Variants in FOXP1 observed in about 807,000 individuals in gnomAD.
FOXP1 encodes the protein forkhead box P1, also known as forkhead box protein P1.
In FOXP1, 15 loss-of-function variants were observed where a neutral mutation model predicts 98.2. That is an observed-to-expected ratio of 0.15 (90% CI 0.10 to 0.24). FOXP1 has a LOEUF of 0.24. Ranked by LOEUF, FOXP1 falls within the 10% of genes least tolerant of loss-of-function variation. The probability of loss-of-function intolerance (pLI) is 1.00; values close to 1 mark genes in which losing one functional copy is unlikely to be tolerated. For missense variants in FOXP1, 633 were observed against 848.5 expected (o/e 0.75, Z 3.15); for synonymous variants, 371 against 314.5 (o/e 1.18, Z -1.90).
rs114268168 is a variant in FOXP1 at position 71,051,124 on chromosome 3, T to C, written c.510+1413A>G. Among the ~76,000 whole-genome samples the C allele has an allele frequency of 5.6e-3, 850 of 152,366 alleles. 9 individuals are homozygous for C. Among genetic ancestry groups the C allele is most frequent in the African/African-American group, 0.019 (804 of 41,576 alleles). ...CAGCAAAACAAAGCTGAGAGCCTTC[T>C]GCACAGTGATATCTCACAATTACAT... On this transcript the variant is annotated intron_variant, in intron 9 of 20. Transcript: ENST00000649528.
intron 11 of FOXP1, among the ~76,000 whole-genome samples, chr3:71,036,368 G>A (rs1456575332): frequency 2.6e-5 from 4 of 152,182 alleles, no homozygotes; most frequent in Non-Finnish European, 4.4e-5. Flanking sequence ...CCTCAAAAAA[G>A]CAGAGACTGC....
intron 4 of FOXP1, among the ~76,000 whole-genome samples, chr3:71,327,377 G>C (rs1252221801): frequency 3.0e-4 from 1 of 3,378 alleles, no homozygotes; most frequent in African/African-American, 3.1e-4. Context: ...TCACCACCAT[G>C]TCCAGCTAAT....
At chr3:70,970,682 G>C in intron 19 of FOXP1, 54 bp downstream of exon 19, 1 of 1,301,658 alleles carries the variant, frequency 7.7e-7, no homozygotes, top group Non-Finnish European at 1.1e-6. Flanking sequence ...ATTTTGAAAT[G>C]AGTAGGGGAG....
chr3:71,268,327 A>G (rs1681378074), intron 5 of FOXP1, among the ~76,000 whole-genome samples: 1 of 151,970 alleles, frequency 6.6e-6, no homozygotes, highest in Admixed American at 6.5e-5. Flanking sequence ...AATCAGATAC[A>G]GTCACATCAC....
intron 5 of FOXP1, among the ~76,000 whole-genome samples, chr3:71,214,753 A>C (rs984242520): frequency 6.6e-6 from 1 of 152,170 alleles, no homozygotes; most frequent in Non-Finnish European, 1.5e-5. Flanking sequence ...GAGAGAGAGG[A>C]GCGGGGGAGA....
intron 5 of FOXP1, among the ~76,000 whole-genome samples, chr3:71,243,604 A>G (rs1461781625): frequency 1.3e-5 from 2 of 152,236 alleles, no homozygotes; most frequent in East Asian, 3.8e-4. Context: ...AGCATCTATA[A>G]GCCAAAGAAC....
At chr3:71,257,901 G>A (rs1329116964) in intron 5 of FOXP1, among the ~76,000 whole-genome samples, 2 of 152,092 alleles carry the variant, frequency 1.3e-5, no homozygotes, top group African/African-American at 4.8e-5. Context: ...TAAAATGGGG[G>A]TAACAATCAC....
chr3:71,558,802 CT>C (rs35405702), intron 2 of FOXP1, among the ~76,000 whole-genome samples: 87 of 117,526 alleles, frequency 7.4e-4, no homozygotes, highest in Middle Eastern at 6.5e-3. Context: ...CCGATTCTCA[CT>C]TTTTTTTTTT....
intron 5 of FOXP1, among the ~76,000 whole-genome samples, chr3:71,226,509 G>A (rs888974763): frequency 6.6e-6 from 1 of 151,924 alleles, no homozygotes; most frequent in East Asian, 1.9e-4. Context: ...CACAAGTGAT[G>A]GCAGGGTCTA....
chr3:71,419,767 A>T (rs2083486474), intron 3 of FOXP1, among the ~76,000 whole-genome samples: 1 of 152,134 alleles, frequency 6.6e-6, no homozygotes, highest in Non-Finnish European at 1.5e-5. Context: ...GTACATACAC[A>T]TACATATATG....
chr3:71,324,099 A>C (rs2075547232), intron 4 of FOXP1, among the ~76,000 whole-genome samples: 1 of 151,928 alleles, frequency 6.6e-6, no homozygotes, highest in African/African-American at 2.4e-5. Context: ...ATATATTTAT[A>C]ATTCATACTC....
intron 3 of FOXP1, among the ~76,000 whole-genome samples, chr3:71,378,283 G>A (rs1281667850): frequency 6.6e-6 from 1 of 152,036 alleles, no homozygotes; most frequent in African/African-American, 2.4e-5. Context: ...AGAAGGTACC[G>A]CTGGGGAGAT....
intron 3 of FOXP1, among the ~76,000 whole-genome samples, chr3:71,445,124 T>G (rs2086298765): frequency 6.6e-6 from 1 of 152,140 alleles, no homozygotes; most frequent in South Asian, 2.1e-4. Context: ...CTTAGTGTTC[T>G]CCATGGTACC....
At position 70,955,011 on chromosome 3, in the gene FOXP1, C is replaced by T. The variant is rs905252896; in HGVS notation, c.*4236G>A. On this transcript the variant is annotated 3_prime_UTR_variant, in exon 21 of 21. Transcript: ENST00000649528. ...GAGATTGCGTGAGCTACACTGGGCC[C>T]AAGAAATGCCTTCAGCATTGTAAAT... 4.3e-6 allele frequency: 1 copy of T among 232,250 alleles called. No individual in the cohort carries two copies. Among genetic ancestry groups the T allele is most frequent in the African/African-American group, 2.2e-5 (1 of 45,382 alleles). 14.4% of individuals were successfully genotyped at this position (232,250 alleles called of 1,614,324 possible). A position where few individuals can be genotyped will look rare whatever the true frequency, so the allele number is the denominator to read the frequency against.
intron 14 of FOXP1, among the ~76,000 whole-genome samples, chr3:70,981,601 G>C (rs2038879220): frequency 6.6e-6 from 1 of 152,202 alleles, no homozygotes; most frequent in Non-Finnish European, 1.5e-5. Flanking sequence ...TTTCGAGGAG[G>C]GGAGGCAGTA....
intron 3 of FOXP1, among the ~76,000 whole-genome samples, chr3:71,468,621 G>C (rs967541813): frequency 6.6e-6 from 1 of 152,016 alleles, no homozygotes; most frequent in Non-Finnish European, 1.5e-5. Flanking sequence ...TCCTTTAACC[G>C]TTCTAAAAAG....
chr3:71,355,549 G>T (rs775739499), intron 4 of FOXP1, among the ~76,000 whole-genome samples: 5 of 152,152 alleles, frequency 3.3e-5, no homozygotes, highest in Admixed American at 6.5e-5. Context: ...AGGCAAGGGA[G>T]ATTTTATGAC....
intron 3 of FOXP1, among the ~76,000 whole-genome samples, chr3:71,475,622 C>T (rs2089761084): frequency 6.6e-6 from 1 of 152,124 alleles, no homozygotes; most frequent in African/African-American, 2.4e-5. Context: ...GTGGGCAGAT[C>T]ACTTGAGGTC....
chr3:71,177,683 C>G (rs1222386958), intron 6 of FOXP1, among the ~76,000 whole-genome samples: 1 of 152,042 alleles, frequency 6.6e-6, no homozygotes, highest in Non-Finnish European at 1.5e-5. Context: ...ACTTAGCTCA[C>G]AGGGTGCTTG....
Sources: allele counts gnomAD v4.1 joint callset (sites outside exome capture counted in the v4.1 genomes callset), GRCh38; gene constraint gnomAD v4.1.1; transcripts MANE v1.5; gene names NCBI Gene and HGNC (gene_info 2026-07-23, HGNC 2026-07-21).